Variants in CSMD2 observed in about 807,000 individuals in gnomAD.
CSMD2 encodes CUB and sushi domain-containing protein 2.
In CSMD2, 130 loss-of-function variants were observed where a neutral mutation model predicts 398.5. That is an observed-to-expected ratio of 0.33 (90% CI 0.28 to 0.38). CSMD2 has a LOEUF of 0.38. Ranked by LOEUF, CSMD2 falls within the 10% of genes least tolerant of loss-of-function variation. The pLI is 1.00. For synonymous variants in CSMD2, 1,828 were observed against 1,908.5 expected, an observed-to-expected ratio of 0.96 and a Z score of 1.10; for missense variants, 3,829 against 4,764.9, an observed-to-expected ratio of 0.80 and a Z score of 5.78.
chr1:33,738,302 G>A (rs1289392575), intron 15 of CSMD2, among the ~76,000 whole-genome samples: 1 of 152,006 alleles, frequency 6.6e-6, no homozygotes, highest in Admixed American at 6.6e-5. Flanking sequence ...TTTCCCCAAG[G>A]GGCCCTTGGG....
intron 13 of CSMD2, among the ~76,000 whole-genome samples, chr1:33,751,204 TG>T (rs1435052475): frequency 1.7e-4 from 25 of 150,230 alleles, no homozygotes; most frequent in African/African-American, 4.4e-4. Context: ...GCTATTGAGT[TG>T]GGAAAAAAAA....
At chr1:34,165,302 G>C (rs1290198269), upstream of CSMD2, 13 of 1,201,008 alleles carry the variant, frequency 1.1e-5, no homozygotes, top group East Asian at 1.4e-4. Flanking sequence ...ATCCCGCTTC[G>C]CGGGGTTCGC....
intron 5 of CSMD2, among the ~76,000 whole-genome samples, chr1:33,896,306 CA>C (rs1439315209): frequency 1.3e-5 from 2 of 152,020 alleles, no homozygotes; most frequent in Non-Finnish European, 2.9e-5. Context: ...TCTCTTCCAT[CA>C]GCACATTTTT....
chr1:33,953,047 TC>T (rs1645057809), intron 3 of CSMD2, among the ~76,000 whole-genome samples: 1 of 152,170 alleles, frequency 6.6e-6, no homozygotes, highest in African/African-American at 2.4e-5. Flanking sequence ...CATCTTCCCT[TC>T]TTGGGGCACA....
chr1:33,961,716 C>G (rs1234169696), intron 3 of CSMD2, among the ~76,000 whole-genome samples: 1 of 152,064 alleles, frequency 6.6e-6, no homozygotes, highest in Non-Finnish European at 1.5e-5. Flanking sequence ...CGCAGTTGAT[C>G]GTTTAAAGGA....
intron 5 of CSMD2, among the ~76,000 whole-genome samples, chr1:33,901,129 C>T (rs564311193): frequency 3.9e-5 from 6 of 152,272 alleles, no homozygotes; most frequent in African/African-American, 1.4e-4. Flanking sequence ...GGGGTGAAGA[C>T]CCAATGGGGC....
intron 3 of CSMD2, among the ~76,000 whole-genome samples, chr1:33,959,979 T>A (rs1180700125): frequency 6.6e-6 from 1 of 152,202 alleles, no homozygotes; most frequent in Non-Finnish European, 1.5e-5. Flanking sequence ...AATGAATGAA[T>A]AAAGCTTTGT....
chr1:34,039,823 G>A (rs1342126862), intron 2 of CSMD2, among the ~76,000 whole-genome samples: 2 of 152,140 alleles, frequency 1.3e-5, no homozygotes, highest in African/African-American at 4.8e-5. Flanking sequence ...GGGTAATTAG[G>A]GCAGGGGGAT....
chr1:33,918,324 C>A (rs771457419), intron 4 of CSMD2, 23 bp from the exon 5 acceptor site: 2 of 1,608,168 alleles, frequency 1.2e-6, no homozygotes, highest in Non-Finnish European at 1.7e-6. Context: ...AGAGAAGAGG[C>A]TTACATGAGT....
chr1:33,836,689 G>A (rs566586597), intron 6 of CSMD2, among the ~76,000 whole-genome samples: 28 of 152,176 alleles, frequency 1.8e-4, no homozygotes, highest in Non-Finnish European at 3.5e-4. Flanking sequence ...CTCCTGGTGT[G>A]CCATTTGCTA....
At chr1:33,746,312 G>A (rs534320622) in intron 13 of CSMD2, among the ~76,000 whole-genome samples, 1 of 152,146 alleles carries the variant, frequency 6.6e-6, no homozygotes, top group Admixed American at 6.5e-5. Flanking sequence ...AGGCAGAGGG[G>A]GCAAGTCACA....
intron 68 of CSMD2, among the ~76,000 whole-genome samples, chr1:33,520,197 C>T (rs565979500): frequency 4.7e-4 from 71 of 152,306 alleles, no homozygotes; most frequent in Admixed American, 6.5e-4. Context: ...GAGGACCATC[C>T]GCAGAGGAGC....
At chr1:33,522,688 T>C (rs1654420995) in intron 67 of CSMD2, among the ~76,000 whole-genome samples, 1 of 152,218 alleles carries the variant, frequency 6.6e-6, no homozygotes, top group African/African-American at 2.4e-5. Flanking sequence ...CTTTCTCTTC[T>C]AGCTCCAGCA....
intron 3 of CSMD2, among the ~76,000 whole-genome samples, chr1:33,966,487 G>C (rs1443754543): frequency 1.3e-5 from 2 of 152,196 alleles, no homozygotes; most frequent in African/African-American, 2.4e-5. Flanking sequence ...TTGGGTTCTA[G>C]GGGGTTTGTT....
intron 5 of CSMD2, among the ~76,000 whole-genome samples, chr1:33,914,787 A>C (rs1413193695): frequency 1.3e-5 from 2 of 152,210 alleles, no homozygotes; most frequent in African/African-American, 4.8e-5. Context: ...CCCGCACCTT[A>C]TCTTTCATGA....
chr1:33,938,502 G>C (rs1478242769), intron 3 of CSMD2, among the ~76,000 whole-genome samples: 2 of 150,956 alleles, frequency 1.3e-5, no homozygotes, highest in African/African-American at 2.4e-5. Context: ...CCCTGCTGCT[G>C]GTTTACTTGG....
chr1:33,675,108 C>G (rs1383139612), intron 25 of CSMD2, among the ~76,000 whole-genome samples: 1 of 152,116 alleles, frequency 6.6e-6, no homozygotes, highest in Admixed American at 6.6e-5. Flanking sequence ...TAACTAAGAT[C>G]AGGGCAGAAC....
At chr1:33,901,254 G>A (rs1251670425) in intron 5 of CSMD2, among the ~76,000 whole-genome samples, 1 of 152,250 alleles carries the variant, frequency 6.6e-6, no homozygotes, top group Admixed American at 6.5e-5. Flanking sequence ...TCTGACACCA[G>A]GCGAGGTGAG....
rs1218875060 is a variant in CSMD2, at chr1:34,163,477, G to T, written c.187+1434C>A. Among the ~76,000 whole-genome samples, 1 of 152,164 alleles carries T rather than the reference G, an allele frequency of 6.6e-6. No homozygotes were observed. The highest frequency in any genetic ancestry group is 1.5e-5 in the Non-Finnish European group (1 of 68,036). The stretch of plus-strand genomic sequence containing the variant: ...AAGAACCCCAACATGCCGCGGTTAA[G>T]CGGTGGGCGACACGGTCTGCGAGGA... On this transcript the variant is annotated intron_variant, in intron 1 of 70. Transcript: ENST00000373381. This position sits in a 1 kb window ranked among gnomAD's most constrained non-coding sequence, Gnocchi z 5.4.
Sources: gnomAD v4.1 joint callset for allele counts (sites outside exome capture counted in the v4.1 genomes callset) on GRCh38, gnomAD v4.1.1 for gene constraint, Gnocchi (gnomAD v3.1) non-coding constraint, MANE v1.5 for transcripts, NCBI Gene and HGNC (gene_info 2026-07-23, HGNC 2026-07-21) for gene names.